The following PAPPA variants were observed in gnomAD, a reference collection of about 807,000 sequenced individuals.
The protein encoded by PAPPA is pappalysin-1.
PAPPA carries 60 observed loss-of-function variants against 164.0 expected under a neutral mutation model. The observed-to-expected ratio is 0.37, with a 90% CI of 0.30 to 0.45. The LOEUF (loss-of-function observed/expected upper bound fraction) is 0.45. PAPPA is among the 20% of genes least tolerant of loss of function. The pLI, the probability that PAPPA is intolerant of heterozygous loss-of-function variation, is 1.00. For missense variants in PAPPA, 1,782 were observed against 2,087.3 expected, an observed-to-expected ratio of 0.85 and a Z score of 2.85; for synonymous variants, 875 against 814.1, an observed-to-expected ratio of 1.07 and a Z score of -1.27.
intron 1 of PAPPA, among the ~76,000 whole-genome samples, chr9:116,179,042 C>T (rs1380012001): frequency 1.3e-5 from 2 of 152,186 alleles, no homozygotes; most frequent in Non-Finnish European, 2.9e-5. Context: ...AAGCTTGCCT[C>T]ACATCTGGAT....
At chr9:116,270,318 A>G (rs903706316) in intron 8 of PAPPA, among the ~76,000 whole-genome samples, 12 of 152,236 alleles carry the variant, frequency 7.9e-5, no homozygotes, top group Admixed American at 5.2e-4. Context: ...TTTTTCTGCA[A>G]TGATGGAAAT....
chr9:116,377,898 G>T (rs1266911021), intron 20 of PAPPA, among the ~76,000 whole-genome samples: 1 of 152,186 alleles, frequency 6.6e-6, no homozygotes. Flanking sequence ...CCAGGCTTTT[G>T]TGGCTCCAGA....
rs1017796440 is a variant in PAPPA at position 116,232,085 on chromosome 9, G to A, written c.2234-3054G>A. Among the ~76,000 whole-genome samples the A allele has an allele frequency of 5.8e-4, 89 of 152,180 alleles. 1 individual carries two copies. The highest frequency in any genetic ancestry group is 2.1e-3 in the African/African-American group (87 of 41,526). On this transcript the variant is annotated intron_variant, in intron 6 of 21. Coordinates refer to ENST00000328252, the MANE Select transcript of PAPPA (RefSeq NM_002581.5). Reference sequence around the variant, plus strand: ...GGTTTTTCTAAAAGGCGACCCTGATGTCACTCATTTGCTTAAAATTTCTCA... The same window carrying A: ...GGTTTTTCTAAAAGGCGACCCTGATATCACTCATTTGCTTAAAATTTCTCA...
At chr9:116,378,496 C>A (rs1478543708) in intron 20 of PAPPA, among the ~76,000 whole-genome samples, 1 of 152,196 alleles carries the variant, frequency 6.6e-6, no homozygotes, top group Non-Finnish European at 1.5e-5. Flanking sequence ...TGAAAAGGAT[C>A]AGACCATGCC....
intron 5 of PAPPA, among the ~76,000 whole-genome samples, chr9:116,221,469 A>AT (rs1167042637): frequency 1.3e-5 from 2 of 152,196 alleles, no homozygotes; most frequent in African/African-American, 4.8e-5. Flanking sequence ...ATTCTATACT[A>AT]AATGCTTTAC....
Position 116,154,155 on chromosome 9 carries a change from C to CGGGGGAGGGGGGAGGGGGGGGG in PAPPA, c.-13_-12insAGGGGGGAGGGGGGGGGGGGGG. 2.2e-6 allele frequency: 1 copy of CGGGGGAGGGGGGAGGGGGGGGG among 464,986 alleles called. No individual in the cohort carries two copies. The highest frequency in any genetic ancestry group is 2.9e-6 in the Non-Finnish European group (1 of 345,718). 28.8% of individuals were successfully genotyped at this position (464,986 alleles called of 1,614,324 possible). A position where few individuals can be genotyped will look rare whatever the true frequency, so the allele number is the denominator to read the frequency against. ...TGGCGGTGCAGGGGCGAAGGGGGGGCGGGGGGAACCGTCGGACATGCGGCT... is the reference window on the plus strand; with the variant it reads ...TGGCGGTGCAGGGGCGAAGGGGGGGCGGGGGAGGGGGGAGGGGGGGGGGGGGGGAACCGTCGGACATGCGGCT... On this transcript the variant is annotated 5_prime_UTR_variant, in exon 1 of 22. Coordinates refer to ENST00000328252, the MANE Select transcript of PAPPA (RefSeq NM_002581.5). The surrounding 1 kb of genome is among the most constrained non-coding windows in gnomAD (Gnocchi z 5.2).
intron 12 of PAPPA, 94 bp from the exon 13 acceptor site, chr9:116,334,767 G>T: frequency 1.2e-6 from 1 of 815,970 alleles, no homozygotes. Context: ...TGACATGAAA[G>T]GGTCTGGGGG....
intron 10 of PAPPA, among the ~76,000 whole-genome samples, chr9:116,319,454 T>C (rs1373341197): frequency 6.6e-6 from 1 of 152,160 alleles, no homozygotes; most frequent in Non-Finnish European, 1.5e-5. Context: ...TTTCATGCAA[T>C]ATAAATGAGT....
chr9:116,376,647 A>ATAAT (rs1355108587), intron 19 of PAPPA, among the ~76,000 whole-genome samples: 23 of 152,210 alleles, frequency 1.5e-4, no homozygotes, highest in Admixed American at 1.4e-3. Flanking sequence ...TATCTTCATC[A>ATAAT]TAATTATTAT....
chr9:116,235,121 C>G lies in PAPPA; in HGVS notation c.2234-18C>G. 1 of 1,613,936 alleles carries G rather than the reference C, an allele frequency of 6.2e-7. No homozygotes were observed. Among genetic ancestry groups the G allele is most frequent in the Non-Finnish European group, 8.5e-7 (1 of 1,179,890 alleles). On this transcript the variant is annotated intron_variant, in intron 6 of 21. Transcript: ENST00000328252. ...AGCTCTTTCCCCAAGAACTCATTCC[C>G]TCATCTCTTCTGCATAGGTCATCCT...
rs777043767 is a variant in PAPPA at position 116,367,724 on chromosome 9, C to G, written c.4575C>G (p.Ile1525Met). 2 of 1,613,826 alleles carry G rather than the reference C, an allele frequency of 1.2e-6. No individual in the cohort carries two copies. The highest frequency in any genetic ancestry group is 2.2e-5 in the South Asian group (2 of 91,042). The change falls in exon 19 of 22, where the codon ATC becomes ATG. Residue 1525 changes from isoleucine (I) to methionine (M), a missense_variant. By Grantham distance (10) the Ile-to-Met change is conservative. Transcript: ENST00000328252. ...CAATGAACGTGACCGTGCGTGACAT[C>G]CCCCACTGGCTGAACCCCACACGGG... The part of the protein sequence containing the change: ...ILPMNVTVRD[I>M]PHWLNPTRVE...
rs370486382 is a variant in PAPPA, at chr9:116,220,145, G to A, written c.2111+16G>A. 1.3e-6 allele frequency: 2 copies of A among 1,590,806 alleles called. No individual in the cohort carries two copies. Among genetic ancestry groups the A allele is most frequent in the African/African-American group, 2.7e-5 (2 of 74,550 alleles). ...TCTTTGAAAGGTGAGTGTGCCCTGT[G>A]TAGTGTTGATCCCTCTCTCTCTCTC... On this transcript the variant is annotated intron_variant, in intron 5 of 21. Transcript: ENST00000328252.
intron 1 of PAPPA, among the ~76,000 whole-genome samples, chr9:116,158,937 C>G (rs571207553): frequency 8.5e-4 from 130 of 152,318 alleles, no homozygotes; most frequent in African/African-American, 3.1e-3. Context: ...TGTCAGCAGT[C>G]TTTTTGGAGA....
chr9:116,353,170 A>T (rs10983112), intron 16 of PAPPA, among the ~76,000 whole-genome samples: 2 of 150,412 alleles, frequency 1.3e-5, no homozygotes, highest in Admixed American at 6.6e-5. Context: ...TCTGCACTTC[A>T]TTTTTTTTTT....
At chr9:116,198,768 G>A (rs1447604344) in intron 2 of PAPPA, among the ~76,000 whole-genome samples, 5 of 152,162 alleles carry the variant, frequency 3.3e-5, no homozygotes, top group Non-Finnish European at 7.3e-5. Context: ...TTTCCAAAAG[G>A]TAAATGAGAA....
chr9:116,251,362 G>C (rs1228767209), intron 7 of PAPPA, among the ~76,000 whole-genome samples: 1 of 152,194 alleles, frequency 6.6e-6, no homozygotes, highest in East Asian at 1.9e-4. Flanking sequence ...AGAAGAAAGA[G>C]AAGCCCAGTC....
chr9:116,250,649 C>T (rs1198544358), intron 7 of PAPPA, among the ~76,000 whole-genome samples: 4 of 152,224 alleles, frequency 2.6e-5, no homozygotes, highest in Non-Finnish European at 5.9e-5. Context: ...GAACTTCTTA[C>T]TGTCTGGGAA....
intron 7 of PAPPA, among the ~76,000 whole-genome samples, chr9:116,257,707 A>G (rs1844947824): frequency 2.0e-5 from 3 of 152,050 alleles, no homozygotes; most frequent in Admixed American, 2.0e-4. Context: ...GTCTCAAAAA[A>G]CAAAAAAAGT....
chr9:116,220,735 A>T (rs1453759913), intron 5 of PAPPA, among the ~76,000 whole-genome samples: 1 of 151,448 alleles, frequency 6.6e-6, no homozygotes. Flanking sequence ...AAAGCACAAA[A>T]ATTAGACGGG....
Sources: gnomAD v4.1 joint callset for allele counts (sites outside exome capture counted in the v4.1 genomes callset) on GRCh38, gnomAD v4.1.1 for gene constraint, Gnocchi (gnomAD v3.1) non-coding constraint, MANE v1.5 for transcripts, NCBI Gene and HGNC (gene_info 2026-07-23, HGNC 2026-07-21) for gene names.